OTOGL: variants seen among roughly 807,000 people sequenced by gnomAD.
OTOGL encodes the protein otogelin-like protein.
OTOGL carries 285 observed loss-of-function variants against 318.5 expected under a neutral mutation model. That is an observed-to-expected ratio of 0.89 (90% CI 0.81 to 0.99). The LOEUF is 0.99. OTOGL is among the 50% of genes least tolerant of loss of function. The pLI is 0.00. For synonymous variants in OTOGL, 987 were observed against 936.5 expected, an observed-to-expected ratio of 1.05 and a Z score of -0.99; for missense variants, 2,899 against 2,845.6, an observed-to-expected ratio of 1.02 and a Z score of -0.43.
intron 4 of OTOGL, among the ~76,000 whole-genome samples, chr12:80,214,046 C>T (rs530818325): frequency 2.5e-4 from 38 of 152,286 alleles, no homozygotes; most frequent in African/African-American, 9.1e-4. Flanking sequence ...ACTGTATTTC[C>T]CTGGGCCTCT....
intron 29 of OTOGL, among the ~76,000 whole-genome samples, chr12:80,307,879 ACCTC>A (rs1425500673): frequency 4.5e-4 from 41 of 91,778 alleles, no homozygotes; most frequent in African/African-American, 1.2e-3. Context: ...TGACCCCCCC[ACCTC>A]CCTCCCTCCC....
At chr12:80,196,536 G>C (rs28738760) in intron 1 of OTOGL, among the ~76,000 whole-genome samples, 2 of 152,156 alleles carry the variant, frequency 1.3e-5, no homozygotes, top group Non-Finnish European at 2.9e-5. Flanking sequence ...CTGGCCCCTA[G>C]GTGTGGGAAG....
At chr12:80,244,327 C>T (rs1257234798) in intron 11 of OTOGL, among the ~76,000 whole-genome samples, 6 of 115,904 alleles carry the variant, frequency 5.2e-5, no homozygotes, top group South Asian at 3.6e-4. Flanking sequence ...CCCCTCCCCC[C>T]ACCCCACCAC....
intron 1 of OTOGL, chr12:80,102,976 C>T: frequency 1.1e-6 from 1 of 903,320 alleles, no homozygotes; most frequent in South Asian, 1.3e-5. Context: ...GCTTTCCGTT[C>T]AAGGATCTTT....
chr12:80,318,569 CT>C lies in OTOGL; in HGVS notation c.3659del (p.Leu1220ArgfsTer15), dbSNP rs1887119218. ...NEGLGEGPYMLASYGQSGLVL... is the reference protein window; with the variant it reads ...NEGLGEGPYMXASYGQSGLVL... ...AGGACTTGGAGAAGGACCATATATG[CT>C]GGCAAGCTATGGGCAGAGTGGCCTT... On this transcript the variant is annotated frameshift_variant, in exon 33 of 59. Coordinates refer to ENST00000547103, the MANE Select transcript of OTOGL (RefSeq NM_001378609.3). LOFTEE classifies it high-confidence loss of function. 7.3e-7 allele frequency: 1 copy of C among 1,372,550 alleles called. No homozygotes were observed. The highest frequency in any genetic ancestry group is 1.5e-5 in the African/African-American group (1 of 66,130). 85.0% of individuals were successfully genotyped at this position (1,372,550 alleles called of 1,614,324 possible).
At chr12:80,125,415 T>G (rs1317266436) in intron 1 of OTOGL, among the ~76,000 whole-genome samples, 1 of 152,218 alleles carries the variant, frequency 6.6e-6, no homozygotes, top group Non-Finnish European at 1.5e-5. Flanking sequence ...ATAAGCTTTT[T>G]GATGTGCTGC....
At chr12:80,260,189 T>C (rs1028253133) in intron 18 of OTOGL, among the ~76,000 whole-genome samples, 6 of 152,086 alleles carry the variant, frequency 3.9e-5, no homozygotes, top group Non-Finnish European at 7.4e-5. Flanking sequence ...GGAACTGGCA[T>C]TTAAAATTTA....
chr12:80,145,103 T>G (rs923836763), intron 1 of OTOGL, among the ~76,000 whole-genome samples: 9 of 151,680 alleles, frequency 5.9e-5, no homozygotes, highest in African/African-American at 2.2e-4. Context: ...GCCATTGCTT[T>G]TGGTGTTTTA....
chr12:80,184,462 G>A (rs1169120558), intron 1 of OTOGL, among the ~76,000 whole-genome samples: 2 of 152,066 alleles, frequency 1.3e-5, no homozygotes, highest in Admixed American at 6.6e-5. Flanking sequence ...AAGGTTTTAC[G>A]TCTTAGAGAT....
At chr12:80,222,041 G>T in intron 6 of OTOGL, 50 bp from the exon 7 acceptor site, 1 of 1,527,112 alleles carries the variant, frequency 6.5e-7, no homozygotes, top group South Asian at 1.2e-5. Flanking sequence ...AACATTGCTA[G>T]AAACGTGTAA....
At chr12:80,358,176 G>GT in intron 49 of OTOGL, 72 bp from the exon 50 acceptor site, 1 of 948,378 alleles carries the variant, frequency 1.1e-6, no homozygotes, top group Non-Finnish European at 1.7e-6. Context: ...TTTGTGTATG[G>GT]TAATTTAAAC....
chr12:80,147,184 G>A (rs913064371), intron 1 of OTOGL, among the ~76,000 whole-genome samples: 1 of 151,208 alleles, frequency 6.6e-6, no homozygotes, highest in Non-Finnish European at 1.5e-5. Context: ...TTTCTCCTGT[G>A]GGCATTTAGT....
chr12:80,166,555 T>C (rs1035804111), intron 1 of OTOGL, among the ~76,000 whole-genome samples: 1 of 152,184 alleles, frequency 6.6e-6, no homozygotes, highest in Non-Finnish European at 1.5e-5. Context: ...GATAAATACC[T>C]AACTTCTGAA....
chr12:80,258,813 G>A (rs1057493330), intron 18 of OTOGL, among the ~76,000 whole-genome samples: 1 of 152,036 alleles, frequency 6.6e-6, no homozygotes, highest in Admixed American at 6.6e-5. Context: ...GATAAGGGTC[G>A]GGGTGGGAGT....
At chr12:80,294,046 G>A (rs1227796396) in intron 26 of OTOGL, among the ~76,000 whole-genome samples, 1 of 152,058 alleles carries the variant, frequency 6.6e-6, no homozygotes, top group Admixed American at 6.6e-5. Flanking sequence ...AAAGCTTTTA[G>A]TACCTGAGAA....
intron 9 of OTOGL, among the ~76,000 whole-genome samples, chr12:80,236,784 T>C (rs552260305): frequency 9.2e-5 from 14 of 151,626 alleles, no homozygotes; most frequent in African/African-American, 3.2e-4. Context: ...TTTTCGTTTT[T>C]GTTTTTGTTT....
At chr12:80,267,546 T>C (rs1458822254) in intron 22 of OTOGL, among the ~76,000 whole-genome samples, 2 of 140,998 alleles carry the variant, frequency 1.4e-5, no homozygotes, top group African/African-American at 2.6e-5. Flanking sequence ...CTCCTAATGC[T>C]ATCCCTCCCC....
intron 54 of OTOGL, 86 bp from the exon 55 acceptor site, chr12:80,368,119 A>G (rs1313083046): frequency 1.0e-6 from 1 of 969,846 alleles, no homozygotes; most frequent in African/African-American, 1.6e-5. Flanking sequence ...AAGAGCTTGT[A>G]GTTATGTTTG....
In OTOGL at chr12:80,352,325, T is replaced by C; in HGVS notation, c.5296T>C (p.Trp1766Arg). ...VSPEDFCEKM[W>R]INYTYFWNYE... is the part of the protein sequence containing the mutation. The stretch of plus-strand genomic sequence containing the variant: ...ACCGGAAGACTTTTGTGAAAAGATG[T>C]GGATCAATTATACCTATTTTTGGAA... The change falls in exon 45 of 59, where the codon TGG becomes CGG. Residue 1766 changes from tryptophan (W) to arginine (R), a missense_variant. Trp to Arg is a moderately radical substitution (Grantham distance 101). Around this residue, in one of 3 missense-constraint regions of OTOGL, gnomAD observed 2,607 missense variants for 2,524.9 expected, o/e 1.03. Transcript: ENST00000547103. 6.2e-7 allele frequency: 1 copy of C among 1,610,960 alleles called. No homozygotes were observed. The highest frequency in any genetic ancestry group is 8.5e-7 in the Non-Finnish European group (1 of 1,178,980).
Sources: gnomAD v4.1 joint callset for allele counts (sites outside exome capture counted in the v4.1 genomes callset) on GRCh38, gnomAD v4.1.1 for gene constraint, gnomAD v4.1.1 regional missense constraint, MANE v1.5 for transcripts, NCBI Gene and HGNC (gene_info 2026-07-23, HGNC 2026-07-21) for gene names.